TMED1: variants seen among roughly 807,000 people sequenced by gnomAD.
The protein encoded by TMED1 is transmembrane p24 trafficking protein 1, also known as transmembrane emp24 domain-containing protein 1.
A neutral mutation model predicts 21.2 loss-of-function variants in TMED1; 20 were observed. That is an observed-to-expected ratio of 0.95 (90% CI 0.67 to 1.37). The LOEUF (loss-of-function observed/expected upper bound fraction) is 1.37. Ranked by LOEUF, TMED1 falls within the 40% of genes most tolerant of loss-of-function variation. TMED1 has a pLI of 0.00. For missense variants in TMED1, 316 were observed against 309.8 expected (o/e 1.02, Z -0.15); for synonymous variants, 149 against 134.7 (o/e 1.11, Z -0.74).
At position 10,832,215 on chromosome 19, in the gene TMED1, T is replaced by C. The variant is rs1599645642; in HGVS notation, c.*780A>G. 1 of 1,165,330 alleles carries C rather than the reference T, an allele frequency of 8.6e-7. No homozygotes were observed. Among genetic ancestry groups the C allele is most frequent in the East Asian group, 5.7e-5 (1 of 17,408 alleles). 72.2% of individuals were successfully genotyped at this position (1,165,330 alleles called of 1,614,324 possible). ...CCACCCCCTTCCTACCCTCAGGCCC[T>C]GCTTCTCTCACCTCGTGGGGAAGCC... On this transcript the variant is annotated 3_prime_UTR_variant, in exon 4 of 4. Coordinates refer to ENST00000214869, the MANE Select transcript of TMED1 (RefSeq NM_006858.4).
In TMED1 at chr19:10,832,883, A is replaced by C; in HGVS notation, c.*112T>G. The C allele has an allele frequency of 8.1e-7, 1 of 1,241,268 alleles. No homozygotes were observed. The highest frequency in any genetic ancestry group is 2.5e-5 in the East Asian group (1 of 40,260). 76.9% of individuals were successfully genotyped at this position (1,241,268 alleles called of 1,614,324 possible). A position where few individuals can be genotyped will look rare whatever the true frequency, so the allele number is the denominator to read the frequency against. On this transcript the variant is annotated 3_prime_UTR_variant, in exon 4 of 4. Coordinates refer to ENST00000214869, the MANE Select transcript of TMED1 (RefSeq NM_006858.4). ...TCATGGGGCCAGACCGCAGGCCCTGACTGCACACTCCCGTTTTGGCAGGAA... is the reference window on the plus strand; with the variant it reads ...TCATGGGGCCAGACCGCAGGCCCTGCCTGCACACTCCCGTTTTGGCAGGAA...
chr19:10,834,614 G>A (rs1006264656), intron 3 of TMED1, among the ~76,000 whole-genome samples: 6 of 151,816 alleles, frequency 4.0e-5, no homozygotes, highest in Non-Finnish European at 2.9e-5. Flanking sequence ...TGAGTAGCTG[G>A]GATTACAGAC....
Position 10,832,873 on chromosome 19 carries a change from G to A in TMED1, c.*122C>T, listed in dbSNP as rs2073375117. The A allele has an allele frequency of 1.5e-5, 17 of 1,126,006 alleles. No homozygotes were observed. Among genetic ancestry groups the A allele is most frequent in the Non-Finnish European group, 2.2e-5 (17 of 789,100 alleles). 69.8% of individuals were successfully genotyped at this position (1,126,006 alleles called of 1,614,324 possible). A position where few individuals can be genotyped will look rare whatever the true frequency, so the allele number is the denominator to read the frequency against. ...GGAAGGAGACTCATGGGGCCAGACC[G>A]CAGGCCCTGACTGCACACTCCCGTT... On this transcript the variant is annotated 3_prime_UTR_variant, in exon 4 of 4. Coordinates refer to ENST00000214869, the MANE Select transcript of TMED1 (RefSeq NM_006858.4).
Position 10,832,629 on chromosome 19 carries a change from G to A in TMED1, c.*366C>T. ...TGTTACCAGACCTCAACCTGGCTTG[G>A]AGGGCCCAGGTTTCCTTGTTAGGCC... On this transcript the variant is annotated 3_prime_UTR_variant, in exon 4 of 4. Transcript: ENST00000214869. The A allele has an allele frequency of 9.2e-6, 5 of 544,164 alleles. No homozygotes were observed. Among genetic ancestry groups the A allele is most frequent in the Non-Finnish European group, 1.6e-5 (5 of 303,924 alleles). 33.7% of individuals were successfully genotyped at this position (544,164 alleles called of 1,614,324 possible).
rs200409984 is a variant in TMED1 at position 10,835,301 on chromosome 19, C to A, written c.236G>T (p.Gly79Val). Reference protein sequence around the residue: ...DVDFTLESPQGVLLVSESRKA... With the variant: ...DVDFTLESPQVVLLVSESRKA... The stretch of plus-strand genomic sequence containing the variant: ...GCGGGACTCGCTGACCAACAGCACG[C>A]CCTGAGGGCTCTCCAGCGTGAAGTC... The change falls in exon 2 of 4, where the codon GGC becomes GTC. Residue 79 changes from glycine (G) to valine (V), a missense_variant. Coordinates refer to ENST00000214869, the MANE Select transcript of TMED1 (RefSeq NM_006858.4). The A allele has an allele frequency of 4.2e-5, 68 of 1,614,000 alleles. 1 individual carries two copies. The East Asian group carries it at 7.8e-4, about 19-fold the overall frequency.
chr19:10,834,869 A>AG (rs527883398), intron 3 of TMED1, 65 bp downstream of exon 3: 4 of 1,562,400 alleles, frequency 2.6e-6, no homozygotes, highest in East Asian at 2.2e-5. Context: ...GGTCAGCCCA[A>AG]GGGGGGCACC....
chr19:10,833,898 CGTAGCTCACACCT>C (rs1184923122), intron 3 of TMED1, among the ~76,000 whole-genome samples: 5 of 152,036 alleles, frequency 3.3e-5, no homozygotes, highest in African/African-American at 1.2e-4. Context: ...CTTGCCTCGC[CGTAGCTCACACCT>C]GTAATCCCAG....
Position 10,832,167 on chromosome 19 carries a change from G to A in TMED1, c.*828C>T, listed in dbSNP as rs778511343. On this transcript the variant is annotated 3_prime_UTR_variant, in exon 4 of 4. Coordinates refer to ENST00000214869, the MANE Select transcript of TMED1 (RefSeq NM_006858.4). ...ACGTGCACAGGCCTGGCTGCTGCCT[G>A]GTGAAGCGGGGACCCCAGCGCTCCA... 4.5e-5 allele frequency: 32 copies of A among 712,820 alleles called. No homozygotes were observed. Among genetic ancestry groups the A allele is most frequent in the Non-Finnish European group, 6.3e-5 (30 of 473,274 alleles). 44.2% of individuals were successfully genotyped at this position (712,820 alleles called of 1,614,324 possible).
At chr19:10,835,898 G>C (rs547839455) in intron 1 of TMED1, 111 bp downstream of exon 1, 24 of 1,416,446 alleles carry the variant, frequency 1.7e-5, no homozygotes, top group Non-Finnish European at 2.1e-5. Flanking sequence ...CCGCCCCCGC[G>C]CTCCCAAGCA....
intron 1 of TMED1, 67 bp from the exon 2 acceptor site, chr19:10,835,420 C>T: frequency 1.3e-6 from 2 of 1,596,152 alleles, no homozygotes; most frequent in South Asian, 1.1e-5. Flanking sequence ...AAGAGGGCTA[C>T]GGCTGAACCA....
intron 3 of TMED1, among the ~76,000 whole-genome samples, chr19:10,834,497 T>C (rs2073400549): frequency 6.6e-6 from 1 of 150,508 alleles, no homozygotes; most frequent in African/African-American, 2.4e-5. Context: ...TTTGCTCTTA[T>C]TGCCCAGGCT....
In TMED1 at chr19:10,835,067, AAGG is replaced by A. The variant is rs2073410118; in HGVS notation, c.329_331del (p.Ser110del). 1 of 1,614,108 alleles carries A rather than the reference AAGG, an allele frequency of 6.2e-7. No homozygotes were observed. Among genetic ancestry groups the A allele is most frequent in the Non-Finnish European group, 8.5e-7 (1 of 1,180,054 alleles). ...CACCAGCTTCTCGGAGATGGTGCTG[AAGG>A]AGTTGTCAAAGCACAGCTTGTAGTC... On this transcript the variant is annotated inframe_deletion, in exon 3 of 4. Transcript: ENST00000214869.
At chr19:10,833,486 G>A (rs1378978606) in intron 3 of TMED1, 1 of 508,734 alleles carries the variant, frequency 2.0e-6, no homozygotes, top group Admixed American at 3.3e-5. Context: ...ACAAGGATGA[G>A]CATGGTGGCT....
intron 1 of TMED1, chr19:10,835,601 A>T: frequency 1.4e-6 from 2 of 1,417,442 alleles, no homozygotes; most frequent in Non-Finnish European, 1.8e-6. Context: ...ATGGACGTTT[A>T]CCTGACCACG....
In TMED1 at chr19:10,832,991, G is replaced by GGGGCTACGTGGGCACCGGGCGCTTGTCCT; in HGVS notation, c.659_*3dup. ...TTGTCCCGTTCTTCCTTCCATGGCA[G>GGGGCTACGTGGGCACCGGGCGCTTGTCCT]GGGCTACGTGGGCACCGGGCGCTTG... On this transcript the variant is annotated 3_prime_UTR_variant, in exon 4 of 4. Transcript: ENST00000214869. 6.2e-7 allele frequency: 1 copy of GGGGCTACGTGGGCACCGGGCGCTTGTCCT among 1,611,006 alleles called. No homozygotes were observed. The highest frequency in any genetic ancestry group is 8.5e-7 in the Non-Finnish European group (1 of 1,179,654).
At chr19:10,833,273 C>A (rs1224308170) in intron 3 of TMED1, 60 bp from the exon 4 acceptor site, 2 of 1,444,140 alleles carry the variant, frequency 1.4e-6, no homozygotes, top group Admixed American at 2.0e-5. Context: ...GAGCAGAGAC[C>A]AAAAAAACCG....
chr19:10,835,382 G>A, intron 1 of TMED1, 29 bp from the exon 2 acceptor site: 1 of 1,612,292 alleles, frequency 6.2e-7, no homozygotes, highest in Non-Finnish European at 8.5e-7. Flanking sequence ...CGGGTGGAGG[G>A]CTAGCGGTAG....
rs1568327797 is a variant in TMED1, at chr19:10,833,216, A to ACAGGGCAGCGGGAGGGGAAGGGT, written c.466-26_466-4dup. 2.5e-6 allele frequency: 4 copies of ACAGGGCAGCGGGAGGGGAAGGGT among 1,608,464 alleles called. No individual in the cohort carries two copies. Among genetic ancestry groups the ACAGGGCAGCGGGAGGGGAAGGGT allele is most frequent in the Non-Finnish European group, 3.4e-6 (4 of 1,177,088 alleles). ...GTCCGCATGGTCTCAATGGACTCCTACAGGGCAGCGGGAGGGGAAGGGTCA... is the reference window on the plus strand; with the variant it reads ...GTCCGCATGGTCTCAATGGACTCCTACAGGGCAGCGGGAGGGGAAGGGTCAGGGCAGCGGGAGGGGAAGGGTCA... On this transcript the variant is annotated splice_region_variant and splice_polypyrimidine_tract_variant and intron_variant, in intron 3 of 3. Transcript: ENST00000214869.
rs775873365 is a variant in TMED1 at position 10,835,045 on chromosome 19, C to G, written c.354G>C (p.Leu118=). ...DNSFSTISEK[L]VFFELIFDSL... is the part of the protein sequence containing the mutation. Reference sequence around the variant, plus strand: ...TGTCAAAGATCAGTTCAAAGAACACCAGCTTCTCGGAGATGGTGCTGAAGG... The same window carrying G: ...TGTCAAAGATCAGTTCAAAGAACACGAGCTTCTCGGAGATGGTGCTGAAGG... Residue 118 remains leucine, a synonymous_variant, in exon 3 of 4, where the codon CTG becomes CTC. Coordinates refer to ENST00000214869, the MANE Select transcript of TMED1 (RefSeq NM_006858.4). 1.2e-6 allele frequency: 2 copies of G among 1,614,134 alleles called. No individual in the cohort carries two copies. The highest frequency in any genetic ancestry group is 1.7e-6 in the Non-Finnish European group (2 of 1,180,056).
Sources: allele counts gnomAD v4.1 joint callset (sites outside exome capture counted in the v4.1 genomes callset), GRCh38; gene constraint gnomAD v4.1.1; transcripts MANE v1.5; gene names NCBI Gene and HGNC (gene_info 2026-07-23, HGNC 2026-07-21).